Variants in INTS6 observed in about 807,000 individuals in gnomAD.
The protein encoded by INTS6 is DEAD box protein.
Under a neutral mutation model 104.9 loss-of-function variants are expected in INTS6, and 16 were observed. The observed-to-expected ratio is 0.15, with a 90% CI of 0.10 to 0.23. INTS6 has a LOEUF of 0.23. Among genes scored for constraint, INTS6 ranks in the 10% least tolerant of loss-of-function variants. The pLI is 1.00. For synonymous variants in INTS6, 324 were observed against 358.7 expected, an observed-to-expected ratio of 0.90 and a Z score of 1.09; for missense variants, 584 against 1,062.8, an observed-to-expected ratio of 0.55 and a Z score of 6.26.
intron 4 of INTS6, chr13:51,421,137 C>T (rs1024563179): frequency 2.0e-6 from 2 of 985,676 alleles, no homozygotes; most frequent in South Asian, 4.7e-5. Flanking sequence ...TGAGGCCTTC[C>T]GAGATGACTA....
intron 15 of INTS6, among the ~76,000 whole-genome samples, chr13:51,372,829 G>A (rs564581849): frequency 1.3e-5 from 2 of 152,144 alleles, no homozygotes; most frequent in Non-Finnish European, 2.9e-5. Flanking sequence ...CTGTTCCCCG[G>A]GTTTCCCAAC....
At chr13:51,340,224 TAAC>T in the INTS6 span, among the ~76,000 whole-genome samples, 1 of 152,134 alleles carries the variant, frequency 6.6e-6, no homozygotes, top group Non-Finnish European at 1.5e-5. Flanking sequence ...TCAGACAACT[TAAC>T]AAAAACTGCT....
the INTS6 span, chr13:51,344,497 CTG>C: frequency 6.5e-7 from 1 of 1,547,042 alleles, no homozygotes; most frequent in South Asian, 1.2e-5. Flanking sequence ...TAAAAGAAAA[CTG>C]TACATTTCAA....
the INTS6 span, among the ~76,000 whole-genome samples, chr13:51,337,620 T>C: frequency 1.3e-5 from 2 of 152,194 alleles, no homozygotes; most frequent in Non-Finnish European, 2.9e-5. Context: ...AAACCCCAGC[T>C]TGGCCTGGTG....
At chr13:51,436,417 G>A (rs1028372591) in intron 3 of INTS6, 1 of 152,116 alleles carries the variant, frequency 6.6e-6, no homozygotes, top group Admixed American at 6.5e-5. Context: ...TCCGTTACAC[G>A]ACTGTGTTCC....
Position 51,363,239 on chromosome 13 carries a change from AGTTTT to A in INTS6, c.*2508_*2512del. On this transcript the variant is annotated 3_prime_UTR_variant, in exon 18 of 18. Transcript: ENST00000311234. ...GACACACCACTATTTCAATGGTAGG[AGTTTT>A]CAGAACTGCCTCAGTAATCAGAATG... The A allele has an allele frequency of 2.0e-5, 3 of 151,978 alleles. No homozygotes were observed. The highest frequency in any genetic ancestry group is 2.9e-5 in the Non-Finnish European group (2 of 67,926). The allele number at this position is 151,978 out of a possible 1,614,324, so 9.4% of individuals were successfully genotyped here.
chr13:51,394,028 T>G (rs1255422964), intron 5 of INTS6, among the ~76,000 whole-genome samples: 4 of 141,440 alleles, frequency 2.8e-5, no homozygotes, highest in African/African-American at 1.0e-4. Context: ...CCCCAGAGTT[T>G]AAAAAAAAAA....
At position 51,449,607 on chromosome 13, in the gene INTS6, C is replaced by G. The variant is rs1359780790; in HGVS notation, c.339+1418G>C. Reference sequence around the variant, plus strand: ...TGCCATACACTAACAACATGACAACCAAATAAAGGTAACCAAATAATGGCA... The same window carrying G: ...TGCCATACACTAACAACATGACAACGAAATAAAGGTAACCAAATAATGGCA... On this transcript the variant is annotated intron_variant, in intron 3 of 17. Coordinates refer to ENST00000311234, the MANE Select transcript of INTS6 (RefSeq NM_012141.3). 5.1e-6 allele frequency: 5 copies of G among 985,114 alleles called. No individual in the cohort carries two copies. In the African/African-American group the frequency reaches 7.0e-5, roughly 14 times the overall value. The allele number at this position is 985,114 out of a possible 1,614,324, so 61.0% of individuals were successfully genotyped here. A position where few individuals can be genotyped will look rare whatever the true frequency, so the allele number is the denominator to read the frequency against.
At chr13:51,358,636 T>C (rs2137817680), downstream of INTS6, among the ~76,000 whole-genome samples, 1 of 152,232 alleles carries the variant, frequency 6.6e-6, no homozygotes, top group Non-Finnish European at 1.5e-5. Context: ...AACACATTAA[T>C]GTACCAAGTA....
intron 3 of INTS6, chr13:51,437,021 G>C (rs1262110993): frequency 6.6e-6 from 1 of 152,184 alleles, no homozygotes; most frequent in East Asian, 1.9e-4. Context: ...GGGAGACCGA[G>C]GTGGGAGGAC....
At chr13:51,348,435 A>G in the INTS6 span, 2 of 1,601,678 alleles carry the variant, frequency 1.2e-6, no homozygotes, top group East Asian at 2.2e-5. Context: ...TCCCCCTCAC[A>G]GGTGCTGTGC....
chr13:51,350,366 GTGTTAAGGGTTGT>G (rs1955392705), downstream of INTS6, among the ~76,000 whole-genome samples: 1 of 152,134 alleles, frequency 6.6e-6, no homozygotes, highest in East Asian at 1.9e-4. Context: ...AACCAAGAAT[GTGTTAAGGGTTGT>G]TTATAACCAC....
chr13:51,345,055 T>G, the INTS6 span, among the ~76,000 whole-genome samples: 1 of 152,234 alleles, frequency 6.6e-6, no homozygotes, highest in Admixed American at 6.5e-5. Context: ...GTAATTATTA[T>G]GAAAGATAAT....
At chr13:51,427,463 G>C (rs1423749769) in intron 4 of INTS6, among the ~76,000 whole-genome samples, 2 of 152,008 alleles carry the variant, frequency 1.3e-5, no homozygotes, top group African/African-American at 4.8e-5. Flanking sequence ...GAATTGAAAA[G>C]CTCCTTAAAA....
chr13:51,341,234 C>T, the INTS6 span: 24 of 1,613,828 alleles, frequency 1.5e-5, no homozygotes, highest in Middle Eastern at 1.6e-4. Context: ...AGAAATGAGA[C>T]GAACTTTGTC....
intron 3 of INTS6, among the ~76,000 whole-genome samples, chr13:51,431,859 GAATT>G (rs1409430259): frequency 6.6e-6 from 1 of 152,012 alleles, no homozygotes; most frequent in East Asian, 1.9e-4. Flanking sequence ...GAGAAAACAT[GAATT>G]AATTTATCCC....
At chr13:51,434,179 T>C (rs923768563) in intron 3 of INTS6, among the ~76,000 whole-genome samples, 4 of 152,214 alleles carry the variant, frequency 2.6e-5, no homozygotes, top group African/African-American at 7.2e-5. Context: ...AAATTAACTA[T>C]AGTAAAACTA....
At chr13:51,396,506 A>C (rs1480589307) in intron 4 of INTS6, among the ~76,000 whole-genome samples, 2 of 152,244 alleles carry the variant, frequency 1.3e-5, no homozygotes, top group Non-Finnish European at 2.9e-5. Flanking sequence ...GTGTACAAAC[A>C]GAATCCACAT....
intron 16 of INTS6, among the ~76,000 whole-genome samples, chr13:51,368,296 G>A (rs150792826): frequency 3.3e-5 from 5 of 152,210 alleles, no homozygotes; most frequent in African/African-American, 1.2e-4. Context: ...GACAGGTTAA[G>A]AGTGTTATTT....
Sources: gnomAD v4.1 joint callset for allele counts (sites outside exome capture counted in the v4.1 genomes callset) on GRCh38, gnomAD v4.1.1 for gene constraint, MANE v1.5 for transcripts, NCBI Gene and HGNC (gene_info 2026-07-23, HGNC 2026-07-21) for gene names.